The following NUP210L variants were observed in gnomAD, a reference collection of about 807,000 sequenced individuals.
NUP210L encodes the protein nucleoporin 210 like, also known as nuclear pore membrane glycoprotein 210-like.
Under a neutral mutation model 208.5 loss-of-function variants are expected in NUP210L, and 74 were observed. The ratio of observed to expected loss-of-function variants is 0.35; its 90% CI spans 0.29 to 0.43. The LOEUF (loss-of-function observed/expected upper bound fraction) is 0.43. Ranked by LOEUF, NUP210L falls within the 20% of genes least tolerant of loss-of-function variation. NUP210L has a pLI of 1.00. For synonymous variants in NUP210L, 780 were observed against 816.9 expected (o/e 0.95, Z 0.77); for missense variants, 1,843 against 2,289.4 (o/e 0.81, Z 3.98).
intron 2 of NUP210L, among the ~76,000 whole-genome samples, chr1:154,146,927 G>A (rs1659149455): frequency 6.6e-6 from 1 of 151,128 alleles, no homozygotes; most frequent in Non-Finnish European, 1.5e-5. Flanking sequence ...GGGCTCAAGT[G>A]ATCCTCCCAC....
intron 16 of NUP210L, among the ~76,000 whole-genome samples, chr1:154,077,067 T>C (rs1475282540): frequency 6.6e-6 from 1 of 152,080 alleles, no homozygotes; most frequent in Non-Finnish European, 1.5e-5. Flanking sequence ...GGCAGTGAGA[T>C]GACACATTCA....
At chr1:154,127,874 GT>G (rs1658065728) in intron 8 of NUP210L, among the ~76,000 whole-genome samples, 1 of 150,726 alleles carries the variant, frequency 6.6e-6, no homozygotes, top group Non-Finnish European at 1.5e-5. Context: ...TTTTTTTGTT[GT>G]TATTTTTTGA....
rs773529464 is a variant in NUP210L, at chr1:154,104,243, T to C, written c.1621-33A>G. On this transcript the variant is annotated intron_variant, in intron 12 of 39. Transcript: ENST00000368559. ...GGAAAAATTCATCTTTCAAGAAAGT[T>C]ATGTTAAAAAAAAGTCTTAGGAGGA... 5 of 1,590,100 alleles carry C rather than the reference T, an allele frequency of 3.1e-6. No homozygotes were observed. The South Asian group carries it at 5.6e-5, about 18-fold the overall frequency.
exon 38 of NUP210L, chr1:153,995,125 C>A: frequency 1.2e-6 from 2 of 1,613,922 alleles, no homozygotes; most frequent in Non-Finnish European, 1.7e-6. Flanking sequence ...GGGTCAAGAG[C>A]AGGATCTGGT....
chr1:153,993,057 C>T (rs777107144), exon 39 of NUP210L: 6 of 1,613,506 alleles, frequency 3.7e-6, no homozygotes, highest in South Asian at 2.2e-5. Flanking sequence ...ACAACTGGAA[C>T]TGTTTGTATC....
chr1:154,115,518 C>T (rs1657275482), intron 12 of NUP210L, among the ~76,000 whole-genome samples: 1 of 152,172 alleles, frequency 6.6e-6, no homozygotes, highest in Admixed American at 6.6e-5. Context: ...GAAGTTCCCA[C>T]CTCTTTCATA....
chr1:154,046,368 T>C (rs752396040), exon 26 of NUP210L: 2 of 1,613,886 alleles, frequency 1.2e-6, no homozygotes, highest in East Asian at 4.5e-5. Context: ...CTGTACTTCA[T>C]CCTGCTCAAC....
intron 30 of NUP210L, among the ~76,000 whole-genome samples, chr1:154,023,695 C>T (rs775152675): frequency 1.1e-4 from 17 of 152,118 alleles, no homozygotes; most frequent in Non-Finnish European, 2.5e-4. Context: ...CCAGGCTGGT[C>T]TCAAACTCCT....
At chr1:154,081,452 T>C (rs1161705184) in intron 16 of NUP210L, among the ~76,000 whole-genome samples, 1 of 152,196 alleles carries the variant, frequency 6.6e-6, no homozygotes, top group Non-Finnish European at 1.5e-5. Context: ...GTGTCTGTTA[T>C]TTATGGTGGC....
intron 2 of NUP210L, among the ~76,000 whole-genome samples, chr1:154,152,163 T>C (rs1047886494): frequency 1.4e-5 from 2 of 145,992 alleles, no homozygotes; most frequent in African/African-American, 5.1e-5. Flanking sequence ...TTTTATTTTA[T>C]TTTATTTTAT....
chr1:154,114,510 C>T (rs533680562), intron 12 of NUP210L, among the ~76,000 whole-genome samples: 3 of 152,248 alleles, frequency 2.0e-5, no homozygotes, highest in Non-Finnish European at 2.9e-5. Flanking sequence ...CTTCAGACCC[C>T]TATTTCCAAT....
exon 19 of NUP210L, chr1:154,060,985 A>G (rs752344616): frequency 6.2e-7 from 1 of 1,613,862 alleles, no homozygotes; most frequent in Admixed American, 1.7e-5. Flanking sequence ...CTCAGGCACT[A>G]CAGTTACATC....
chr1:154,058,349 T>G (rs1461284899), intron 21 of NUP210L, 133 bp from the exon 22 acceptor site: 2 of 1,084,470 alleles, frequency 1.8e-6, no homozygotes, highest in Non-Finnish European at 2.7e-6. Context: ...CAAATAAGCT[T>G]AATCTATGTG....
intron 17 of NUP210L, among the ~76,000 whole-genome samples, chr1:154,062,715 G>A (rs532625896): frequency 6.6e-6 from 1 of 151,150 alleles, no homozygotes; most frequent in African/African-American, 2.4e-5. Flanking sequence ...AGCCTCCCAA[G>A]TAGCTGGGAC....
At chr1:154,105,424 G>T (rs1238243381) in intron 12 of NUP210L, among the ~76,000 whole-genome samples, 1 of 149,070 alleles carries the variant, frequency 6.7e-6, no homozygotes, top group Non-Finnish European at 1.5e-5. Context: ...GGGGGGTGGA[G>T]GTTGCAGTGA....
At chr1:154,126,772 G>A (rs1658001720) in intron 9 of NUP210L, among the ~76,000 whole-genome samples, 1 of 152,054 alleles carries the variant, frequency 6.6e-6, no homozygotes, top group Non-Finnish European at 1.5e-5. Context: ...ACCCTAGAGA[G>A]TGAGTACAAT....
At chr1:154,035,703 G>A (rs1376190646) in intron 27 of NUP210L, among the ~76,000 whole-genome samples, 1 of 151,088 alleles carries the variant, frequency 6.6e-6, no homozygotes, top group Non-Finnish European at 1.5e-5. Flanking sequence ...TTTTTTTGAT[G>A]TAGGCACTCT....
At chr1:154,048,126 G>C (rs1653289380) in intron 25 of NUP210L, among the ~76,000 whole-genome samples, 1 of 152,132 alleles carries the variant, frequency 6.6e-6, no homozygotes, top group South Asian at 2.1e-4. Flanking sequence ...GCCAGCTAAA[G>C]CTAAAGTGGC....
At chr1:154,088,135 C>T (rs567931680) in intron 16 of NUP210L, among the ~76,000 whole-genome samples, 4 of 152,016 alleles carry the variant, frequency 2.6e-5, no homozygotes, top group African/African-American at 4.8e-5. Flanking sequence ...CCCAGGAGTT[C>T]GAGACCAGCC....
Sources: allele counts gnomAD v4.1 joint callset (sites outside exome capture counted in the v4.1 genomes callset), GRCh38; gene constraint gnomAD v4.1.1; transcripts MANE v1.5; gene names NCBI Gene and HGNC (gene_info 2026-07-23, HGNC 2026-07-21).